MYLK: variants seen among roughly 807,000 people sequenced by gnomAD.
The protein encoded by MYLK is myosin light chain kinase, smooth muscle.
A neutral mutation model predicts 203.4 loss-of-function variants in MYLK; 106 were observed. The ratio of observed to expected loss-of-function variants is 0.52; its 90% CI spans 0.45 to 0.61. MYLK has a LOEUF of 0.61. Among genes scored for constraint, MYLK ranks in the 20% least tolerant of loss-of-function variants. The pLI is 0.00. For missense variants in MYLK, 2,072 were observed against 2,442.3 expected, an observed-to-expected ratio of 0.85 and a Z score of 3.20; for synonymous variants, 867 against 959.5, an observed-to-expected ratio of 0.90 and a Z score of 1.78.
Position 123,613,706 on chromosome 3 carries a change from C to T in MYLK, c.*399G>A. The T allele has an allele frequency of 4.2e-6, 1 of 237,682 alleles. No individual in the cohort carries two copies. The highest frequency in any genetic ancestry group is 1.2e-4 in the East Asian group (1 of 8,522). The allele number at this position is 237,682 out of a possible 1,614,324, so 14.7% of individuals were successfully genotyped here. A position where few individuals can be genotyped will look rare whatever the true frequency, so the allele number is the denominator to read the frequency against. On this transcript the variant is annotated 3_prime_UTR_variant, in exon 34 of 34. Transcript: ENST00000360304. Reference sequence around the variant, plus strand: ...GGGTGGGGAGAGAGAGGCCTCCCATCCCCAGGAACCCTCTGGGCTGAGCTG... The same window carrying T: ...GGGTGGGGAGAGAGAGGCCTCCCATTCCCAGGAACCCTCTGGGCTGAGCTG...
At chr3:123,842,570 A>G (rs888607027) in intron 2 of MYLK, among the ~76,000 whole-genome samples, 2 of 146,368 alleles carry the variant, frequency 1.4e-5, no homozygotes, top group African/African-American at 5.1e-5. Context: ...TTCAAAAATT[A>G]AACTGCAAAA....
intron 3 of MYLK, among the ~76,000 whole-genome samples, chr3:123,799,208 C>T (rs1445404083): frequency 7.1e-6 from 1 of 140,654 alleles, no homozygotes; most frequent in Non-Finnish European, 1.5e-5. Context: ...CCCCCTGATG[C>T]TTGGGCCAAC....
At chr3:123,872,705 T>C (rs1456948110) in intron 2 of MYLK, among the ~76,000 whole-genome samples, 2 of 152,202 alleles carry the variant, frequency 1.3e-5, no homozygotes, top group East Asian at 1.9e-4. Flanking sequence ...GGAACTTCCA[T>C]GCCCTCTCCA....
At chr3:123,776,276 A>G (rs533562405) in intron 4 of MYLK, among the ~76,000 whole-genome samples, 7 of 152,278 alleles carry the variant, frequency 4.6e-5, no homozygotes, top group African/African-American at 1.7e-4. Flanking sequence ...TTTGAATCTC[A>G]CAGATCAGGG....
intron 12 of MYLK, among the ~76,000 whole-genome samples, chr3:123,725,175 C>T (rs1042396590): frequency 2.6e-5 from 4 of 152,200 alleles, no homozygotes; most frequent in Admixed American, 6.5e-5. Flanking sequence ...GGTCACCCGA[C>T]CACTCAGTGG....
intron 2 of MYLK, among the ~76,000 whole-genome samples, chr3:123,872,589 C>T (rs1434188301): frequency 2.6e-5 from 4 of 152,176 alleles, no homozygotes; most frequent in African/African-American, 7.2e-5. Flanking sequence ...GTTTACAGAA[C>T]TTGAGAGCCC....
intron 32 of MYLK, among the ~76,000 whole-genome samples, chr3:123,619,065 T>C (rs1273774915): frequency 2.0e-5 from 3 of 152,250 alleles, no homozygotes; most frequent in African/African-American, 4.8e-5. Context: ...CTGCATTTCA[T>C]GCTGCTTTAG....
intron 3 of MYLK, among the ~76,000 whole-genome samples, chr3:123,807,161 G>A (rs914013847): frequency 1.3e-5 from 2 of 152,094 alleles, no homozygotes; most frequent in African/African-American, 4.8e-5. Flanking sequence ...GGGCATGGTG[G>A]CTCACACCTG....
chr3:123,690,484 G>T (rs2060618723), intron 19 of MYLK, among the ~76,000 whole-genome samples: 1 of 152,154 alleles, frequency 6.6e-6, no homozygotes, highest in African/African-American at 2.4e-5. Context: ...GAGCTGAGGG[G>T]ATGAGGGGAC....
intron 24 of MYLK, 52 bp downstream of exon 24, chr3:123,657,074 G>T: frequency 6.3e-7 from 1 of 1,590,684 alleles, no homozygotes; most frequent in Non-Finnish European, 8.6e-7. Context: ...ACATACACAA[G>T]GTCAGTCACG....
At chr3:123,739,140 C>T in intron 6 of MYLK, 78 bp from the exon 7 acceptor site, 3 of 1,519,182 alleles carry the variant, frequency 2.0e-6, no homozygotes, top group Non-Finnish European at 2.7e-6. Context: ...CACTCAAAGG[C>T]ACTAAGTTAA....
At chr3:123,709,293 A>T (rs1218273534) in intron 14 of MYLK, 1 of 239,426 alleles carries the variant, frequency 4.2e-6, no homozygotes, top group Non-Finnish European at 8.3e-6. Context: ...GGCACCGGCC[A>T]CCACACCCAG....
intron 24 of MYLK, among the ~76,000 whole-genome samples, chr3:123,654,444 C>T (rs780582284): frequency 6.6e-6 from 1 of 152,172 alleles, no homozygotes; most frequent in Non-Finnish European, 1.5e-5. Flanking sequence ...CTCGCTTTCT[C>T]GCTTTCTGAG....
chr3:123,618,890 G>A, intron 32 of MYLK, 120 bp from the exon 33 acceptor site: 1 of 1,337,710 alleles, frequency 7.5e-7, no homozygotes, highest in Admixed American at 1.8e-5. Context: ...GCAGCTTTGA[G>A]AACTGAATCA....
At chr3:123,763,029 A>G (rs955988639) in intron 4 of MYLK, among the ~76,000 whole-genome samples, 2 of 152,068 alleles carry the variant, frequency 1.3e-5, no homozygotes, top group African/African-American at 2.4e-5. Context: ...TCCATCCCTT[A>G]CCCCCACAAA....
intron 2 of MYLK, among the ~76,000 whole-genome samples, chr3:123,867,273 A>C (rs2032393991): frequency 6.6e-6 from 1 of 152,080 alleles, no homozygotes; most frequent in Non-Finnish European, 1.5e-5. Flanking sequence ...CATGGGTTGA[A>C]GTGTGTCCCC....
chr3:123,823,920 A>C (rs894817295), intron 3 of MYLK, among the ~76,000 whole-genome samples: 1 of 151,998 alleles, frequency 6.6e-6, no homozygotes, highest in Admixed American at 6.6e-5. Flanking sequence ...TCCTACCCTG[A>C]ATAGTTTTCT....
At chr3:123,737,674 G>A in intron 7 of MYLK, 131 bp from the exon 8 acceptor site, 2 of 1,226,906 alleles carry the variant, frequency 1.6e-6, no homozygotes, top group Admixed American at 1.8e-5. Context: ...TGTGGGCCCT[G>A]TCAATGTGCT....
intron 19 of MYLK, chr3:123,692,135 A>T: frequency 4.8e-6 from 1 of 207,042 alleles, no homozygotes; most frequent in Non-Finnish European, 9.0e-6. Flanking sequence ...CCTCTTCCTA[A>T]CACAGAAACT....
Sources: allele counts gnomAD v4.1 joint callset (sites outside exome capture counted in the v4.1 genomes callset), GRCh38; gene constraint gnomAD v4.1.1; transcripts MANE v1.5; gene names NCBI Gene and HGNC (gene_info 2026-07-23, HGNC 2026-07-21).